RBBP8: variants seen among roughly 807,000 people sequenced by gnomAD.
RBBP8 encodes the protein DNA endonuclease RBBP8.
In RBBP8, 88 loss-of-function variants were observed where a neutral mutation model predicts 108.3. The observed-to-expected ratio is 0.81, with a 90% CI of 0.68 to 0.97. The LOEUF is 0.97. Among genes scored for constraint, RBBP8 ranks in the 50% least tolerant of loss-of-function variants. RBBP8 has a pLI of 0.00. For synonymous variants in RBBP8, 332 were observed against 348.2 expected, an observed-to-expected ratio of 0.95 and a Z score of 0.52; for missense variants, 1,023 against 1,049.0, an observed-to-expected ratio of 0.98 and a Z score of 0.34.
chr18:22,999,907 A>G (rs1192820849), intron 14 of RBBP8, among the ~76,000 whole-genome samples: 1 of 152,214 alleles, frequency 6.6e-6, no homozygotes, highest in African/African-American at 2.4e-5. Context: ...AACAGCATAC[A>G]CAGAATGTTC....
At chr18:22,927,747 A>C (rs1909845332) in intron 3 of RBBP8, among the ~76,000 whole-genome samples, 1 of 152,068 alleles carries the variant, frequency 6.6e-6, no homozygotes, top group African/African-American at 2.4e-5. Context: ...ATTTTTAGAA[A>C]ATTTAATATT....
chr18:22,921,992 T>C (rs778358697), intron 3 of RBBP8, among the ~76,000 whole-genome samples: 1 of 152,162 alleles, frequency 6.6e-6, no homozygotes, highest in African/African-American at 2.4e-5. Flanking sequence ...CAATTTTGAA[T>C]AGTACAAGTT....
At chr18:22,935,086 A>G (rs1910423895) in intron 1 of RBBP8, among the ~76,000 whole-genome samples, 1 of 151,080 alleles carries the variant, frequency 6.6e-6, no homozygotes, top group African/African-American at 2.4e-5. Context: ...TGTTAGAGTT[A>G]AAGATAGAAT....
At chr18:22,918,061 A>T (rs1834101399) in intron 3 of RBBP8, among the ~76,000 whole-genome samples, 1 of 152,134 alleles carries the variant, frequency 6.6e-6, no homozygotes, top group African/African-American at 2.4e-5. Context: ...TTAAAAAATC[A>T]GAAACCCATA....
In RBBP8 at chr18:22,993,211, C is replaced by A. The variant is rs1778098363; in HGVS notation, c.1384C>A (p.Gln462Lys). Residue 462 changes from glutamine (Q) to lysine (K), a missense_variant, in exon 11 of 19, where the codon CAA becomes AAA. Physicochemically the swap from Gln to Lys is moderately conservative, Grantham distance 53 (BLOSUM62 1). Coordinates refer to ENST00000327155, the MANE Select transcript of RBBP8 (RefSeq NM_002894.3). ...AAGTGAACATGAAGTAAGCTGCCCC[C>A]AAGCTTCTTTTGATAAAGAAAATGC... The part of the protein sequence containing the change: ...EESEHEVSCP[Q>K]ASFDKENAFP... The A allele has an allele frequency of 6.2e-7, 1 of 1,614,074 alleles. No homozygotes were observed. The highest frequency in any genetic ancestry group is 1.1e-5 in the South Asian group (1 of 91,084).
chr18:22,936,793 T>C lies in RBBP8; in HGVS notation c.-59T>C. 2 of 1,602,616 alleles carry C rather than the reference T, an allele frequency of 1.2e-6. No individual in the cohort carries two copies. Among genetic ancestry groups the C allele is most frequent in the Non-Finnish European group, 1.7e-6 (2 of 1,170,594 alleles). On this transcript the variant is annotated 5_prime_UTR_variant, in exon 2 of 19. It removes an upstream start codon present in the reference 5' UTR. Transcript: ENST00000327155. ...CAAAGACGACTTGATACCTCTATAA[T>C]GTAACAGAAAAGGTCAGAAAATATT...
intron 4 of RBBP8, among the ~76,000 whole-genome samples, chr18:22,965,215 GT>G (rs1205149234): frequency 6.6e-6 from 1 of 151,506 alleles, no homozygotes; most frequent in Non-Finnish European, 1.5e-5. Flanking sequence ...TTTTTTTAAT[GT>G]TTTGTTTGCT....
chr18:23,008,261 T>C (rs1444283335), intron 16 of RBBP8, among the ~76,000 whole-genome samples: 1 of 152,222 alleles, frequency 6.6e-6, no homozygotes. Flanking sequence ...TTCTTTAAGA[T>C]GTTGGTAAAT....
chr18:22,990,913 G>T, intron 9 of RBBP8, 24 bp from the exon 10 acceptor site: 1 of 1,517,036 alleles, frequency 6.6e-7, no homozygotes, highest in Non-Finnish European at 9.2e-7. Context: ...TTACATGGAT[G>T]TGCTTCATAT....
exon 1 of RBBP8, chr18:22,914,300 T>A (rs1909270827): frequency 6.6e-6 from 1 of 152,168 alleles, no homozygotes; most frequent in Non-Finnish European, 1.5e-5. Context: ...TCTAAATAAG[T>A]CGAAGGGTAA....
chr18:22,941,014 A>G (rs1265925855), intron 2 of RBBP8, among the ~76,000 whole-genome samples: 1 of 152,024 alleles, frequency 6.6e-6, no homozygotes, highest in African/African-American at 2.4e-5. Flanking sequence ...CCTTGGTGAA[A>G]TGTATTCTTA....
rs1379806 is a variant in RBBP8 at position 22,958,646 on chromosome 18, A to G, written c.248+8933A>G. ...CTTCAGCATCTACCTCCCAGGCCCAAGTGATCCTCACACCTCAGCCTTAGA... is the reference window on the plus strand; with the variant it reads ...CTTCAGCATCTACCTCCCAGGCCCAGGTGATCCTCACACCTCAGCCTTAGA... On this transcript the variant is annotated intron_variant, in intron 4 of 18. Coordinates refer to ENST00000327155, the MANE Select transcript of RBBP8 (RefSeq NM_002894.3). Among the ~76,000 whole-genome samples, 992 of 152,266 alleles carry G rather than the reference A, an allele frequency of 6.5e-3. 34 individuals carry two copies. The highest frequency in any genetic ancestry group is 0.048 in the Admixed American group (735 of 15,288).
chr18:22,933,260 G>A (rs969390686), upstream of RBBP8: 4 of 152,204 alleles, frequency 2.6e-5, no homozygotes, highest in Non-Finnish European at 5.9e-5. Context: ...CCGCTCCTCA[G>A]CTAGGGCACG....
At chr18:22,946,210 T>C (rs1911544082) in intron 2 of RBBP8, 1 of 458,686 alleles carries the variant, frequency 2.2e-6, no homozygotes, top group Non-Finnish European at 3.9e-6. Context: ...AGAAAAGTAA[T>C]AACTTACTTT....
chr18:22,962,135 T>C (rs554384354), intron 4 of RBBP8, among the ~76,000 whole-genome samples: 1 of 152,346 alleles, frequency 6.6e-6, no homozygotes, highest in African/African-American at 2.4e-5. Flanking sequence ...TGCTGCCCAT[T>C]GGTCCTAGTT....
At chr18:23,001,205 T>C (rs2045941050) in intron 14 of RBBP8, among the ~76,000 whole-genome samples, 2 of 152,234 alleles carry the variant, frequency 1.3e-5, no homozygotes, top group Admixed American at 6.5e-5. Flanking sequence ...AGAACTATCT[T>C]TTACATACGT....
intron 6 of RBBP8, among the ~76,000 whole-genome samples, chr18:22,976,600 G>A (rs1010581071): frequency 7.2e-5 from 11 of 152,022 alleles, no homozygotes; most frequent in Admixed American, 4.6e-4. Context: ...ATGTAATTAT[G>A]TATATATGTT....
intron 2 of RBBP8, among the ~76,000 whole-genome samples, chr18:22,916,270 CTGAA>C (rs67317329): frequency 0.48 from 73,418 of 151,512 alleles, 21,031 homozygotes; most frequent in Middle Eastern, 0.65. Flanking sequence ...TCTTTCCCTC[CTGAA>C]TATCTTCATG....
intron 3 of RBBP8, among the ~76,000 whole-genome samples, chr18:22,924,705 G>A (rs73396870): frequency 0.022 from 3,365 of 152,196 alleles, 118 homozygotes; most frequent in African/African-American, 0.077. Context: ...GTACAGGCAT[G>A]AGCCACTGCA....
Sources: allele counts gnomAD v4.1 joint callset (sites outside exome capture counted in the v4.1 genomes callset), GRCh38; gene constraint gnomAD v4.1.1; transcripts MANE v1.5; gene names NCBI Gene and HGNC (gene_info 2026-07-23, HGNC 2026-07-21).